The following NFKB1 variants were observed in gnomAD, a reference collection of about 807,000 sequenced individuals.
NFKB1 encodes the protein nuclear factor NF-kappa-B p105 subunit.
A neutral mutation model predicts 105.1 loss-of-function variants in NFKB1; 9 were observed. The ratio of observed to expected loss-of-function variants is 0.09; its 90% CI spans 0.05 to 0.15. The LOEUF (loss-of-function observed/expected upper bound fraction) is 0.15. Ranked by LOEUF, NFKB1 falls within the 10% of genes least tolerant of loss-of-function variation. The probability of loss-of-function intolerance (pLI) is 1.00; values close to 1 mark genes in which losing one functional copy is unlikely to be tolerated. For missense variants in NFKB1, 830 were observed against 1,203.7 expected (o/e 0.69, Z 4.59); for synonymous variants, 440 against 442.2 (o/e 1.00, Z 0.06).
intron 7 of NFKB1, chr4:102,578,006 T>A: frequency 1.0e-6 from 1 of 985,306 alleles, no homozygotes; most frequent in Non-Finnish European, 1.2e-6. Context: ...TCCCAAGAGC[T>A]GGCCTCAGGC....
intron 4 of NFKB1, among the ~76,000 whole-genome samples, chr4:102,534,671 C>T (rs1439857409): frequency 1.3e-5 from 2 of 152,180 alleles, no homozygotes; most frequent in Non-Finnish European, 2.9e-5. Flanking sequence ...AGAATGAGGA[C>T]AGTCAGTAAA....
chr4:102,565,379 G>A (rs1430746900), intron 5 of NFKB1, among the ~76,000 whole-genome samples: 1 of 152,096 alleles, frequency 6.6e-6, no homozygotes, highest in South Asian at 2.1e-4. Context: ...CTTTGTTGAC[G>A]AGTGAAACTT....
intron 5 of NFKB1, among the ~76,000 whole-genome samples, chr4:102,552,229 A>G (rs955088651): frequency 4.6e-5 from 7 of 152,174 alleles, no homozygotes; most frequent in African/African-American, 1.4e-4. Flanking sequence ...CATTCAAATG[A>G]GGAGTAGTTA....
At chr4:102,563,213 C>A (rs1275094259) in intron 5 of NFKB1, among the ~76,000 whole-genome samples, 2 of 152,142 alleles carry the variant, frequency 1.3e-5, no homozygotes, top group Non-Finnish European at 2.9e-5. Flanking sequence ...AGCATGTGGT[C>A]ATCAGTAGGT....
chr4:102,537,428 G>A (rs1452761575), intron 4 of NFKB1, among the ~76,000 whole-genome samples: 2 of 152,176 alleles, frequency 1.3e-5, no homozygotes, highest in African/African-American at 2.4e-5. Flanking sequence ...GCTGTAATCA[G>A]AGTAGATAAA....
chr4:102,570,511 C>A (rs1022159757), intron 6 of NFKB1, among the ~76,000 whole-genome samples: 1 of 151,930 alleles, frequency 6.6e-6, no homozygotes, highest in African/African-American at 2.4e-5. Flanking sequence ...TGGATACTGC[C>A]GCAGTGAACA....
At chr4:102,515,321 G>A (rs1026908960) in intron 1 of NFKB1, among the ~76,000 whole-genome samples, 5 of 150,458 alleles carry the variant, frequency 3.3e-5, no homozygotes, top group African/African-American at 7.3e-5. Flanking sequence ...CGTTTTAGCC[G>A]GGATGGTCTC....
chr4:102,508,123 AC>A (rs1739547113), intron 1 of NFKB1, among the ~76,000 whole-genome samples: 1 of 152,200 alleles, frequency 6.6e-6, no homozygotes, highest in African/African-American at 2.4e-5. Flanking sequence ...CTCTTTGTCT[AC>A]CAGTTCTTAA....
chr4:102,539,641 A>G (rs1741872105), intron 5 of NFKB1, among the ~76,000 whole-genome samples: 1 of 152,172 alleles, frequency 6.6e-6, no homozygotes, highest in Non-Finnish European at 1.5e-5. Context: ...TAAACACCAA[A>G]GACTTGCCAA....
rs754017968 is a variant in NFKB1, at chr4:102,597,620, C to G, written c.1596C>G (p.Val532=). 3 of 1,613,670 alleles carry G rather than the reference C, an allele frequency of 1.9e-6. No individual in the cohort carries two copies. The highest frequency in any genetic ancestry group is 2.5e-6 in the Non-Finnish European group (3 of 1,179,854). The change falls in exon 15 of 24, where the codon GTC becomes GTG. Residue 532 remains valine, a synonymous_variant. Coordinates refer to ENST00000226574, the MANE Select transcript of NFKB1 (RefSeq NM_003998.4). The stretch of plus-strand genomic sequence containing the variant: ...GAGACGTGAAGATGCTGCTGGCCGT[C>G]CAGCGCCATCTCACTGCTGTGCAGG... ...VTGDVKMLLA[V]QRHLTAVQDE...
chr4:102,590,815 A>G (rs774280471), intron 11 of NFKB1, among the ~76,000 whole-genome samples: 4 of 152,222 alleles, frequency 2.6e-5, no homozygotes, highest in Non-Finnish European at 5.9e-5. Flanking sequence ...ACTTGAAATC[A>G]AAAGCCAAAA....
intron 5 of NFKB1, among the ~76,000 whole-genome samples, chr4:102,555,663 A>G (rs934921111): frequency 3.9e-5 from 6 of 152,226 alleles, no homozygotes; most frequent in African/African-American, 1.4e-4. Flanking sequence ...CACAGCAGAA[A>G]AAGCAGCAAA....
chr4:102,505,010 A>G (rs1739335900), intron 1 of NFKB1, among the ~76,000 whole-genome samples: 1 of 152,154 alleles, frequency 6.6e-6, no homozygotes. Flanking sequence ...CTTTTAGAAG[A>G]AAAAAAGAGA....
chr4:102,564,072 G>A (rs575642997), intron 5 of NFKB1, among the ~76,000 whole-genome samples: 2 of 151,706 alleles, frequency 1.3e-5, no homozygotes, highest in South Asian at 2.1e-4. Flanking sequence ...TACCCGTCTC[G>A]GCCTCCCAAA....
At chr4:102,588,510 G>A (rs1725905918) in intron 11 of NFKB1, among the ~76,000 whole-genome samples, 1 of 151,912 alleles carries the variant, frequency 6.6e-6, no homozygotes, top group African/African-American at 2.4e-5. Flanking sequence ...TGGAGATTAG[G>A]GATAAATAAT....
chr4:102,603,008 C>T (rs771059897), intron 16 of NFKB1, among the ~76,000 whole-genome samples: 5 of 152,058 alleles, frequency 3.3e-5, no homozygotes, highest in Non-Finnish European at 7.4e-5. Flanking sequence ...CAGTCATATT[C>T]AAGGAATTAC....
intron 16 of NFKB1, among the ~76,000 whole-genome samples, chr4:102,604,569 C>G (rs1160130023): frequency 1.3e-5 from 2 of 151,818 alleles, no homozygotes; most frequent in East Asian, 3.8e-4. Flanking sequence ...CTACATGTTA[C>G]TGTATTTCTG....
intron 1 of NFKB1, chr4:102,510,821 A>T (rs1739729277): frequency 2.3e-6 from 1 of 436,746 alleles, no homozygotes; most frequent in South Asian, 4.0e-5. Context: ...CTATATTTGG[A>T]GGGAGAAGAA....
At chr4:102,616,006 AG>A (rs1728910946) in intron 23 of NFKB1, among the ~76,000 whole-genome samples, 1 of 152,248 alleles carries the variant, frequency 6.6e-6, no homozygotes, top group Admixed American at 6.5e-5. Context: ...ATAGCATATG[AG>A]GCCCAGAGAG....
Sources: gnomAD v4.1 joint callset for allele counts (sites outside exome capture counted in the v4.1 genomes callset) on GRCh38, gnomAD v4.1.1 for gene constraint, MANE v1.5 for transcripts, NCBI Gene and HGNC (gene_info 2026-07-23, HGNC 2026-07-21) for gene names.